MTSS1: variants seen among roughly 807,000 people sequenced by gnomAD.
The protein encoded by MTSS1 is MTSS I-BAR domain containing 1, also known as protein MTSS 1.
In MTSS1, 18 loss-of-function variants were observed where a neutral mutation model predicts 79.0. The ratio of observed to expected loss-of-function variants is 0.23; its 90% CI spans 0.16 to 0.34. The LOEUF is 0.34. Ranked by LOEUF, MTSS1 falls within the 10% of genes least tolerant of loss-of-function variation. The probability of loss-of-function intolerance (pLI) is 1.00; values close to 1 mark genes in which losing one functional copy is unlikely to be tolerated. For synonymous variants in MTSS1, 341 were observed against 368.6 expected, an observed-to-expected ratio of 0.93 and a Z score of 0.86; for missense variants, 815 against 986.2, an observed-to-expected ratio of 0.83 and a Z score of 2.33.
chr8:124,593,287 T>C (rs901700989), intron 3 of MTSS1, among the ~76,000 whole-genome samples: 12 of 152,252 alleles, frequency 7.9e-5, no homozygotes, highest in African/African-American at 2.9e-4. Flanking sequence ...ACAAGGAAAC[T>C]GGCACACTCA....
intron 12 of MTSS1, 108 bp downstream of exon 12, chr8:124,556,124 A>C: frequency 6.4e-7 from 1 of 1,572,042 alleles, no homozygotes; most frequent in Non-Finnish European, 8.6e-7. Flanking sequence ...AATGGAGCCC[A>C]GGTCCCTCCA....
intron 3 of MTSS1, among the ~76,000 whole-genome samples, chr8:124,656,781 C>CAAAA (rs59332225): frequency 1.9e-5 from 1 of 51,658 alleles, no homozygotes; most frequent in African/African-American, 5.7e-5. Context: ...GACTCCATCT[C>CAAAA]AAAAAAAAAA....
intron 2 of MTSS1, among the ~76,000 whole-genome samples, chr8:124,700,865 A>G (rs1829601366): frequency 6.6e-6 from 1 of 152,196 alleles, no homozygotes. Flanking sequence ...GCCTTTACTG[A>G]GCGTTCCTAA....
chr8:124,623,220 C>A (rs1162556101), intron 3 of MTSS1, among the ~76,000 whole-genome samples: 2 of 152,204 alleles, frequency 1.3e-5, no homozygotes, highest in African/African-American at 4.8e-5. Context: ...CTTCTGAACT[C>A]ACACACGTTT....
At position 124,586,452 on chromosome 8, in the gene MTSS1, C is replaced by T. The variant is rs555358351; in HGVS notation, c.386-1291G>A. On this transcript the variant is annotated intron_variant, in intron 5 of 13. Coordinates refer to ENST00000518547, the MANE Select transcript of MTSS1 (RefSeq NM_014751.6). Reference sequence around the variant, plus strand: ...GGTGCCTCATTTTCTAATTCCTCAACCAAACCTCTCCAACCTCTGGGGCTC... The same window carrying T: ...GGTGCCTCATTTTCTAATTCCTCAATCAAACCTCTCCAACCTCTGGGGCTC... Among the ~76,000 whole-genome samples the T allele has an allele frequency of 2.6e-4, 39 of 152,302 alleles. No individual in the cohort carries two copies. In the South Asian group the frequency reaches 8.1e-3, roughly 32 times the overall value.
At chr8:124,671,134 A>T (rs1587717945) in intron 3 of MTSS1, among the ~76,000 whole-genome samples, 2 of 150,556 alleles carry the variant, frequency 1.3e-5, no homozygotes, top group South Asian at 4.2e-4. Context: ...TTCTAAACTG[A>T]CCTCCCTTCC....
chr8:124,701,459 A>C (rs1312392329), intron 2 of MTSS1, among the ~76,000 whole-genome samples: 1 of 152,240 alleles, frequency 6.6e-6, no homozygotes, highest in Non-Finnish European at 1.5e-5. Context: ...AATGACATAC[A>C]TGTACACAAA....
At chr8:124,621,851 T>C (rs550025499) in intron 3 of MTSS1, among the ~76,000 whole-genome samples, 9 of 152,282 alleles carry the variant, frequency 5.9e-5, no homozygotes, top group African/African-American at 2.2e-4. Flanking sequence ...GCCCAGCCCC[T>C]ATCTCTTTCC....
intron 3 of MTSS1, among the ~76,000 whole-genome samples, chr8:124,609,194 C>A (rs904828057): frequency 6.6e-6 from 1 of 152,204 alleles, no homozygotes; most frequent in Non-Finnish European, 1.5e-5. Flanking sequence ...GCCAGTTGCA[C>A]CACTAAAGGA....
chr8:124,723,559 G>A (rs781403900), intron 1 of MTSS1, among the ~76,000 whole-genome samples: 5 of 152,092 alleles, frequency 3.3e-5, no homozygotes, highest in African/African-American at 4.8e-5. Context: ...GTATAGAAAC[G>A]ATTTCCAAAC....
Position 124,552,900 on chromosome 8 carries a change from T to C in MTSS1, c.*92A>G. 1 of 1,337,468 alleles carries C rather than the reference T, an allele frequency of 7.5e-7. No individual in the cohort carries two copies. Among genetic ancestry groups the C allele is most frequent in the Non-Finnish European group, 1.0e-6 (1 of 975,916 alleles). The allele number at this position is 1,337,468 out of a possible 1,614,324, so 82.9% of individuals were successfully genotyped here. ...GCTATATTCCGAGTTGCCTACAAAA[T>C]CTTTTGTTTTATTATAGAGTGGAAT... On this transcript the variant is annotated 3_prime_UTR_variant, in exon 14 of 14. Coordinates refer to ENST00000518547, the MANE Select transcript of MTSS1 (RefSeq NM_014751.6).
intron 3 of MTSS1, among the ~76,000 whole-genome samples, chr8:124,635,244 A>C (rs1816766279): frequency 6.6e-6 from 1 of 152,252 alleles, no homozygotes; most frequent in Non-Finnish European, 1.5e-5. Flanking sequence ...TTTCAGAGAA[A>C]AGGAAGAAAG....
rs1822636118 is a variant in MTSS1, at chr8:124,552,274, A to G, written c.*718T>C. On this transcript the variant is annotated 3_prime_UTR_variant, in exon 14 of 14. Transcript: ENST00000518547. ...ACACCCTACAGAAACAAACACTGCA[A>G]TCCAGTATGGCTTATTCGGATGCAT... 6.5e-6 allele frequency: 1 copy of G among 153,030 alleles called. No individual in the cohort carries two copies. Among genetic ancestry groups the G allele is most frequent in the Non-Finnish European group, 1.5e-5 (1 of 68,362 alleles). 9.5% of individuals were successfully genotyped at this position (153,030 alleles called of 1,614,324 possible). A position where few individuals can be genotyped will look rare whatever the true frequency, so the allele number is the denominator to read the frequency against.
At chr8:124,686,103 G>A (rs769541484) in intron 3 of MTSS1, among the ~76,000 whole-genome samples, 9 of 152,094 alleles carry the variant, frequency 5.9e-5, no homozygotes, top group Non-Finnish European at 1.0e-4. Flanking sequence ...AGGCAGGTAC[G>A]GCAGACCTGA....
intron 3 of MTSS1, among the ~76,000 whole-genome samples, chr8:124,605,860 C>G: frequency 6.6e-6 from 1 of 151,986 alleles, no homozygotes; most frequent in Non-Finnish European, 1.5e-5. Flanking sequence ...CTCCCATTTA[C>G]TGAGTGCTTG....
chr8:124,658,125 T>C (rs539770772), intron 3 of MTSS1, among the ~76,000 whole-genome samples: 1 of 152,318 alleles, frequency 6.6e-6, no homozygotes, highest in South Asian at 2.1e-4. Context: ...CTCACACTGC[T>C]ATAAAGAAAT....
intron 3 of MTSS1, among the ~76,000 whole-genome samples, chr8:124,675,877 T>C (rs1825201593): frequency 2.0e-5 from 3 of 152,260 alleles, no homozygotes. Flanking sequence ...AATTTGTTTA[T>C]CCATTCATCC....
chr8:124,562,261 C>T (rs1825502515), intron 10 of MTSS1, among the ~76,000 whole-genome samples: 1 of 152,184 alleles, frequency 6.6e-6, no homozygotes, highest in African/African-American at 2.4e-5. Context: ...CCTTCCCTTC[C>T]AGAATCTAAG....
At chr8:124,639,449 T>C (rs1817620638) in intron 3 of MTSS1, among the ~76,000 whole-genome samples, 1 of 152,226 alleles carries the variant, frequency 6.6e-6, no homozygotes, top group Non-Finnish European at 1.5e-5. Flanking sequence ...TACACTATTA[T>C]ATCTTTCTGA....
Sources: gnomAD v4.1 joint callset for allele counts (sites outside exome capture counted in the v4.1 genomes callset) on GRCh38, gnomAD v4.1.1 for gene constraint, MANE v1.5 for transcripts, NCBI Gene and HGNC (gene_info 2026-07-23, HGNC 2026-07-21) for gene names.